Variants in SLX9 observed in about 807,000 individuals in gnomAD.
SLX9 encodes the protein ribosome biogenesis protein SLX9 homolog.
SLX9 carries 19 observed loss-of-function variants against 20.8 expected under a neutral mutation model. That is an observed-to-expected ratio of 0.91 (90% confidence interval 0.64 to 1.34). The LOEUF (loss-of-function observed/expected upper bound fraction) is 1.34, where lower values mean the gene tolerates loss of function less well. SLX9 is among the 40% of genes most tolerant of loss of function. The pLI is 0.00. For synonymous variants in SLX9, 113 were observed against 137.1 expected, an observed-to-expected ratio of 0.82 and a Z score of 1.23; for missense variants, 299 against 322.2, an observed-to-expected ratio of 0.93 and a Z score of 0.55.
chr21:44,967,173 A>G lies in SLX9; in HGVS notation c.492A>G (p.Gln164=), dbSNP rs1378445060. 5 of 1,584,534 alleles carry G rather than the reference A, an allele frequency of 3.2e-6. No individual in the cohort carries two copies. The African/African-American group carries it at 5.4e-5, about 17-fold the overall frequency. ...LLGLEAGSRR[Q]ARSRESNKPR... ...GGCTCGAGGCTGGCAGCCGGCGCCAAGCCCGCAGGTGAGTGTCCGGGAGGG... is the reference window on the plus strand; with the variant it reads ...GGCTCGAGGCTGGCAGCCGGCGCCAGGCCCGCAGGTGAGTGTCCGGGAGGG... The change falls in exon 4 of 6, where the codon CAA becomes CAG. Residue 164 remains glutamine (Q), a synonymous_variant. Coordinates refer to ENST00000291634, the MANE Select transcript of SLX9 (RefSeq NM_058190.4).
intron 2 of SLX9, among the ~76,000 whole-genome samples, chr21:44,944,443 C>T (rs2084606340): frequency 6.6e-6 from 1 of 152,304 alleles, no homozygotes; most frequent in East Asian, 1.9e-4. Context: ...CCCCCTGCAC[C>T]TCCTACTGAG....
chr21:44,954,330 A>G (rs748500724), intron 2 of SLX9, among the ~76,000 whole-genome samples: 3 of 152,106 alleles, frequency 2.0e-5, no homozygotes, highest in Admixed American at 6.5e-5. Context: ...TGCCGTGCAC[A>G]GGCTGTCTCC....
At chr21:44,971,813 G>T (rs1437523661) in intron 4 of SLX9, among the ~76,000 whole-genome samples, 1 of 152,214 alleles carries the variant, frequency 6.6e-6, no homozygotes, top group Non-Finnish European at 1.5e-5. Context: ...CTGGCCAGGG[G>T]GGCAGAGCTT....
intron 1 of SLX9, among the ~76,000 whole-genome samples, chr21:44,942,439 G>A (rs1182790553): frequency 9.2e-5 from 14 of 152,164 alleles, no homozygotes; most frequent in Admixed American, 8.5e-4. Flanking sequence ...GGGAGACCAA[G>A]GACTTCTCCC....
rs1250902017 is a variant in SLX9 at position 44,976,842 on chromosome 21, G to A, written c.*39G>A. On this transcript the variant is annotated 3_prime_UTR_variant, in exon 6 of 6. Transcript: ENST00000291634. ...CATGCCACAACTCCTCAGGACACAT[G>A]TGGGCCAAGTAGAGAGCGCCGGCCC... 1.4e-5 allele frequency: 21 copies of A among 1,538,444 alleles called. No individual in the cohort carries two copies. The highest frequency in any genetic ancestry group is 1.8e-5 in the Non-Finnish European group (21 of 1,147,850).
chr21:44,943,772 G>C lies in SLX9; in HGVS notation c.218G>C (p.Ser73Thr), dbSNP rs760731574. Residue 73 changes from serine to threonine, a missense_variant, in exon 2 of 6, where the codon AGT (serine) becomes ACT (threonine). Ser to Thr is a moderately conservative substitution (Grantham distance 58). Transcript: ENST00000291634. ...CAGAAGCTGGAGCTGGACGTGAGGA[G>C]TGTCACTTCCGTCAGGAGAGGTGAG... The part of the protein sequence containing the change: ...LVQKLELDVR[S>T]VTSVRRGEAG... 6.2e-7 allele frequency: 1 copy of C among 1,614,218 alleles called. No individual in the cohort carries two copies. Among genetic ancestry groups the C allele is most frequent in the Non-Finnish European group, 8.5e-7 (1 of 1,180,042 alleles).
intron 1 of SLX9, among the ~76,000 whole-genome samples, chr21:44,942,691 A>G (rs1243082668): frequency 6.6e-6 from 1 of 152,212 alleles, no homozygotes; most frequent in Non-Finnish European, 1.5e-5. Flanking sequence ...CCTTATAAGG[A>G]AATGAAGACA....
intron 2 of SLX9, among the ~76,000 whole-genome samples, chr21:44,950,184 G>C (rs548166052): frequency 6.6e-6 from 1 of 151,814 alleles, no homozygotes; most frequent in Non-Finnish European, 1.5e-5. Flanking sequence ...TTGAGTCCCA[G>C]GTGCCTGCCT....
chr21:44,960,530 C>T (rs776340623), intron 3 of SLX9, among the ~76,000 whole-genome samples: 12 of 152,232 alleles, frequency 7.9e-5, no homozygotes, highest in Admixed American at 3.3e-4. Flanking sequence ...TGTTCCCCAC[C>T]GTGAAATTTT....
At chr21:44,967,981 A>T (rs936047056) in intron 4 of SLX9, among the ~76,000 whole-genome samples, 3 of 151,756 alleles carry the variant, frequency 2.0e-5, no homozygotes, top group Non-Finnish European at 4.4e-5. Flanking sequence ...TGCTGGCATC[A>T]CAGCGCCCCT....
chr21:44,963,142 G>A (rs553697299), intron 3 of SLX9, among the ~76,000 whole-genome samples: 2 of 149,984 alleles, frequency 1.3e-5, no homozygotes, highest in South Asian at 4.2e-4. Context: ...AGGCTGGAGT[G>A]CAGTGGTGCG....
intron 3 of SLX9, among the ~76,000 whole-genome samples, chr21:44,964,070 C>A (rs2084991622): frequency 6.6e-6 from 1 of 152,178 alleles, no homozygotes; most frequent in Non-Finnish European, 1.5e-5. Flanking sequence ...ATTTAAATTT[C>A]ATCATCAATG....
chr21:44,940,247 G>C (rs1035316863), intron 1 of SLX9, 61 bp downstream of exon 1: 19 of 1,199,320 alleles, frequency 1.6e-5, no homozygotes, highest in Non-Finnish European at 1.0e-6. Flanking sequence ...GTGAGCTGCG[G>C]GGCGCCGCCT....
intron 2 of SLX9, among the ~76,000 whole-genome samples, chr21:44,948,425 G>A (rs1170477409): frequency 2.6e-5 from 4 of 151,608 alleles, no homozygotes; most frequent in Admixed American, 1.3e-4. Context: ...AGCACCGGGC[G>A]TCTGGGGAGC....
At chr21:44,963,289 C>T (rs1420270945) in intron 3 of SLX9, among the ~76,000 whole-genome samples, 5 of 151,972 alleles carry the variant, frequency 3.3e-5, no homozygotes, top group Non-Finnish European at 7.4e-5. Flanking sequence ...TGGGGTTTCA[C>T]CGTGTTAGCA....
intron 3 of SLX9, among the ~76,000 whole-genome samples, chr21:44,966,305 G>A (rs2085033027): frequency 2.0e-5 from 3 of 152,086 alleles, no homozygotes; most frequent in Admixed American, 2.0e-4. Flanking sequence ...TGCCATGCCC[G>A]GGCCTGTGTC....
chr21:44,945,751 G>A lies in SLX9; in HGVS notation c.283+1914G>A, dbSNP rs1412393893. On this transcript the variant is annotated intron_variant, in intron 2 of 5. Coordinates refer to ENST00000291634, the MANE Select transcript of SLX9 (RefSeq NM_058190.4). ...TTTGGAGACAGAGTCTTGCTCTGTCGCCAGGGTGGAGTGCAGTGGCTTGAT... is the reference window on the plus strand; with the variant it reads ...TTTGGAGACAGAGTCTTGCTCTGTCACCAGGGTGGAGTGCAGTGGCTTGAT... Among the ~76,000 whole-genome samples the A allele has an allele frequency of 3.3e-5, 5 of 152,262 alleles. No individual in the cohort carries two copies. In the East Asian group the frequency reaches 5.8e-4, roughly 18 times the overall value.
intron 3 of SLX9, among the ~76,000 whole-genome samples, chr21:44,961,604 C>G (rs111336357): frequency 0.016 from 2,507 of 152,260 alleles, 35 homozygotes; most frequent in Middle Eastern, 0.041. Flanking sequence ...TGTTAATGAT[C>G]AAATTTAGTC....
upstream of SLX9, chr21:44,939,940 G>A: frequency 9.0e-7 from 1 of 1,115,920 alleles, no homozygotes; most frequent in Non-Finnish European, 1.2e-6. Flanking sequence ...CCGCTTCCGG[G>A]TACTTCCGGC....
Sources: gnomAD v4.1 joint callset for allele counts (sites outside exome capture counted in the v4.1 genomes callset) on GRCh38, gnomAD v4.1.1 for gene constraint, MANE v1.5 for transcripts, NCBI Gene and HGNC (gene_info 2026-07-23, HGNC 2026-07-21) for gene names.